Variants in EXOC6B observed in about 807,000 individuals in gnomAD.
EXOC6B encodes exocyst complex component 6B.
In EXOC6B, 54 loss-of-function variants were observed where a neutral mutation model predicts 113.5. The ratio of observed to expected loss-of-function variants is 0.48; its 90% CI spans 0.38 to 0.60. The LOEUF (loss-of-function observed/expected upper bound fraction) is 0.60, where lower values mean the gene tolerates loss of function less well. Ranked by LOEUF, EXOC6B falls within the 20% of genes least tolerant of loss-of-function variation. The pLI is 0.00. For missense variants in EXOC6B, 797 were observed against 977.5 expected (o/e 0.82, Z 2.46); for synonymous variants, 357 against 339.0 (o/e 1.05, Z -0.58).
chr2:72,510,221 T>G (rs1430621840), intron 11 of EXOC6B, among the ~76,000 whole-genome samples: 1 of 152,184 alleles, frequency 6.6e-6, no homozygotes, highest in Admixed American at 6.5e-5. Context: ...AACATAACTT[T>G]CTGTGGAATA....
At chr2:72,453,126 G>T (rs897276315) in intron 18 of EXOC6B, among the ~76,000 whole-genome samples, 7 of 152,008 alleles carry the variant, frequency 4.6e-5, no homozygotes, top group Admixed American at 3.9e-4. Context: ...ATTTAAATCT[G>T]TATTCCAAAA....
chr2:72,709,542 T>C (rs868085642), intron 6 of EXOC6B, among the ~76,000 whole-genome samples: 1 of 152,126 alleles, frequency 6.6e-6, no homozygotes, highest in Non-Finnish European at 1.5e-5. Context: ...GAAGTAAGTA[T>C]CAGCACAGAG....
intron 1 of EXOC6B, among the ~76,000 whole-genome samples, chr2:72,780,193 C>A (rs1683941826): frequency 6.6e-6 from 1 of 152,128 alleles, no homozygotes; most frequent in African/African-American, 2.4e-5. Flanking sequence ...ATCTGCATAA[C>A]ATTTTGTATT....
At chr2:72,486,364 A>T (rs1324863928) in intron 16 of EXOC6B, among the ~76,000 whole-genome samples, 13 of 151,494 alleles carry the variant, frequency 8.6e-5, no homozygotes, top group African/African-American at 3.2e-4. Context: ...ATGAGACTCC[A>T]TCTCAAAAAA....
chr2:72,480,195 T>C (rs1292656627), intron 17 of EXOC6B, among the ~76,000 whole-genome samples: 1 of 140,062 alleles, frequency 7.1e-6, no homozygotes, highest in Non-Finnish European at 1.5e-5. Context: ...TAGAGCAAGA[T>C]TTGATTTAAA....
At chr2:72,803,871 T>C (rs186559408) in intron 1 of EXOC6B, among the ~76,000 whole-genome samples, 1 of 152,200 alleles carries the variant, frequency 6.6e-6, no homozygotes, top group African/African-American at 2.4e-5. Flanking sequence ...TTAGATATGG[T>C]ACAGCTGAGT....
intron 6 of EXOC6B, among the ~76,000 whole-genome samples, chr2:72,634,923 G>A: frequency 6.6e-6 from 1 of 150,968 alleles, no homozygotes; most frequent in African/African-American, 2.4e-5. Context: ...TGAAAATAAT[G>A]AATCTCCTAC....
At chr2:72,403,931 G>T (rs1693534994) in intron 18 of EXOC6B, among the ~76,000 whole-genome samples, 1 of 152,156 alleles carries the variant, frequency 6.6e-6, no homozygotes, top group African/African-American at 2.4e-5. Context: ...CCCAGGAAGT[G>T]CAAGGGGTCA....
intron 18 of EXOC6B, among the ~76,000 whole-genome samples, chr2:72,414,961 G>T (rs1694430686): frequency 6.6e-6 from 1 of 152,066 alleles, no homozygotes; most frequent in African/African-American, 2.4e-5. Flanking sequence ...GCCTAGGGTG[G>T]TCTCAAACTA....
intron 18 of EXOC6B, among the ~76,000 whole-genome samples, chr2:72,406,547 A>T (rs1241823948): frequency 6.6e-6 from 1 of 152,178 alleles, no homozygotes; most frequent in Non-Finnish European, 1.5e-5. Context: ...GGATTAAGAA[A>T]CTCACTTAAA....
chr2:72,327,496 G>T (rs1688194633), intron 20 of EXOC6B, among the ~76,000 whole-genome samples: 4 of 152,056 alleles, frequency 2.6e-5, no homozygotes, highest in African/African-American at 9.7e-5. Context: ...GATTTTCATA[G>T]TAAGAGGATA....
intron 6 of EXOC6B, among the ~76,000 whole-genome samples, chr2:72,648,110 G>A (rs1051935974): frequency 6.6e-6 from 1 of 152,162 alleles, no homozygotes; most frequent in Non-Finnish European, 1.5e-5. Context: ...CCATCAAAAA[G>A]TGGGCAAAGG....
intron 6 of EXOC6B, among the ~76,000 whole-genome samples, chr2:72,596,085 A>G (rs1052768894): frequency 6.6e-6 from 1 of 152,210 alleles, no homozygotes; most frequent in African/African-American, 2.4e-5. Flanking sequence ...GAGACAGCCC[A>G]GGAAGAATGA....
chr2:72,432,834 A>G (rs1302034531), intron 18 of EXOC6B, among the ~76,000 whole-genome samples: 2 of 152,120 alleles, frequency 1.3e-5, no homozygotes, highest in African/African-American at 4.8e-5. Flanking sequence ...GATAAATTGC[A>G]AAAATTTTCT....
intron 16 of EXOC6B, among the ~76,000 whole-genome samples, chr2:72,482,115 T>TG (rs946861482): frequency 5.9e-5 from 9 of 152,324 alleles, no homozygotes; most frequent in Admixed American, 5.9e-4. Context: ...CAGTGCCTTT[T>TG]AGCATAAGCA....
At chr2:72,626,250 A>G (rs1348133450) in intron 6 of EXOC6B, among the ~76,000 whole-genome samples, 1 of 152,204 alleles carries the variant, frequency 6.6e-6, no homozygotes, top group Non-Finnish European at 1.5e-5. Context: ...GCATTCATCT[A>G]GCTGTATTTA....
chr2:72,696,491 A>G (rs1038893209), intron 6 of EXOC6B, among the ~76,000 whole-genome samples: 1 of 152,138 alleles, frequency 6.6e-6, no homozygotes, highest in African/African-American at 2.4e-5. Context: ...TCATCAAGAG[A>G]TTAGAGCCAT....
At chr2:72,528,923 T>C (rs1701863477) in intron 8 of EXOC6B, among the ~76,000 whole-genome samples, 1 of 152,140 alleles carries the variant, frequency 6.6e-6, no homozygotes, top group Admixed American at 6.5e-5. Context: ...TACTAGGAAG[T>C]TTACTTCTTA....
intron 6 of EXOC6B, among the ~76,000 whole-genome samples, chr2:72,714,358 G>T (rs894108613): frequency 6.6e-6 from 1 of 152,146 alleles, no homozygotes; most frequent in Non-Finnish European, 1.5e-5. Flanking sequence ...TGGTAAAATT[G>T]GAACCTATAA....
Sources: allele counts gnomAD v4.1 joint callset (sites outside exome capture counted in the v4.1 genomes callset), GRCh38; gene constraint gnomAD v4.1.1; transcripts MANE v1.5; gene names NCBI Gene and HGNC (gene_info 2026-07-23, HGNC 2026-07-21).